The following STAU2 variants were observed in gnomAD, a reference collection of about 807,000 sequenced individuals.
STAU2 encodes the protein staufen double-stranded RNA binding protein 2.
In STAU2, 20 loss-of-function variants were observed where a neutral mutation model predicts 65.9. That is an observed-to-expected ratio of 0.30 (90% CI 0.21 to 0.44). STAU2 has a LOEUF of 0.44. STAU2 is among the 20% of genes least tolerant of loss of function. The pLI, the probability that STAU2 is intolerant of heterozygous loss-of-function variation, is 1.00. For synonymous variants in STAU2, 232 were observed against 233.9 expected (o/e 0.99, Z 0.07); for missense variants, 558 against 683.9 (o/e 0.82, Z 2.05).
intron 6 of STAU2, among the ~76,000 whole-genome samples, chr8:73,646,914 T>C (rs2130180090): frequency 6.9e-6 from 1 of 144,584 alleles, no homozygotes; most frequent in African/African-American, 2.6e-5. Flanking sequence ...AAGACAGAGA[T>C]ATTTCACCAA....
chr8:73,534,399 G>A (rs1806046622), intron 13 of STAU2, among the ~76,000 whole-genome samples: 1 of 152,154 alleles, frequency 6.6e-6, no homozygotes, highest in African/African-American at 2.4e-5. Flanking sequence ...ACCTAAATAA[G>A]TAGATTAAGT....
At chr8:73,682,782 T>C (rs1022951606) in intron 5 of STAU2, among the ~76,000 whole-genome samples, 1 of 152,012 alleles carries the variant, frequency 6.6e-6, no homozygotes, top group African/African-American at 2.4e-5. Context: ...AAACAGGAGA[T>C]ATAACAACTG....
intron 6 of STAU2, chr8:73,651,157 G>A: frequency 8.1e-7 from 1 of 1,231,902 alleles, no homozygotes; most frequent in African/African-American, 1.5e-5. Context: ...CCCTGGCCCG[G>A]ACCAGGCATC....
At chr8:73,709,895 T>C (rs1048943070) in intron 3 of STAU2, among the ~76,000 whole-genome samples, 2 of 152,138 alleles carry the variant, frequency 1.3e-5, no homozygotes, top group African/African-American at 2.4e-5. Context: ...TATAGCATTA[T>C]AATAAACATT....
At chr8:73,587,585 C>CTT (rs1451519040) in intron 11 of STAU2, among the ~76,000 whole-genome samples, 2 of 152,184 alleles carry the variant, frequency 1.3e-5, no homozygotes, top group Non-Finnish European at 2.9e-5. Flanking sequence ...CTGGTAAAGA[C>CTT]TTTGGGGACA....
At chr8:73,721,596 G>A (rs559751928) in intron 3 of STAU2, among the ~76,000 whole-genome samples, 14 of 152,140 alleles carry the variant, frequency 9.2e-5, no homozygotes, top group African/African-American at 3.1e-4. Flanking sequence ...CTGTTATTAG[G>A]TGCATAAACA....
intron 13 of STAU2, among the ~76,000 whole-genome samples, chr8:73,544,379 T>C (rs1347607578): frequency 2.0e-5 from 3 of 152,238 alleles, no homozygotes; most frequent in Admixed American, 1.3e-4. Flanking sequence ...GAATTATCTT[T>C]CTGTTAACCA....
intron 13 of STAU2, among the ~76,000 whole-genome samples, chr8:73,447,242 C>A (rs1008442514): frequency 2.0e-5 from 3 of 152,198 alleles, no homozygotes; most frequent in African/African-American, 4.8e-5. Context: ...CCGCAACCAG[C>A]CAATTATTAT....
chr8:73,693,650 A>G (rs1318042606), intron 4 of STAU2, among the ~76,000 whole-genome samples: 2 of 152,346 alleles, frequency 1.3e-5, no homozygotes, highest in Admixed American at 1.3e-4. Context: ...TTTCCAAGGC[A>G]ATCCTATGCT....
chr8:73,444,360 C>T (rs199869899), intron 13 of STAU2, among the ~76,000 whole-genome samples: 3 of 149,380 alleles, frequency 2.0e-5, no homozygotes, highest in East Asian at 2.0e-4. Flanking sequence ...GAGCCGAGAT[C>T]GCATCATTGC....
At chr8:73,667,372 G>A (rs561808408) in intron 6 of STAU2, among the ~76,000 whole-genome samples, 15 of 152,266 alleles carry the variant, frequency 9.9e-5, no homozygotes, top group African/African-American at 3.6e-4. Context: ...GGACAATTCA[G>A]GACATTCAAA....
intron 6 of STAU2, among the ~76,000 whole-genome samples, chr8:73,627,753 G>A: frequency 2.3e-5 from 1 of 42,554 alleles, no homozygotes; most frequent in South Asian, 9.9e-4. Flanking sequence ...ATTAAACCTT[G>A]TTAAAAAAAA....
intron 3 of STAU2, among the ~76,000 whole-genome samples, chr8:73,734,988 G>A (rs1806331237): frequency 6.6e-6 from 1 of 152,144 alleles, no homozygotes; most frequent in Non-Finnish European, 1.5e-5. Flanking sequence ...AGGCTGGAGT[G>A]CAGTGGTATG....
chr8:73,591,413 T>C (rs1465849596), intron 11 of STAU2, among the ~76,000 whole-genome samples: 1 of 152,050 alleles, frequency 6.6e-6, no homozygotes, highest in East Asian at 1.9e-4. Flanking sequence ...CTAATCACCC[T>C]AACTAAAGGG....
chr8:73,554,100 C>T (rs1472994566), intron 12 of STAU2, among the ~76,000 whole-genome samples: 1 of 152,100 alleles, frequency 6.6e-6, no homozygotes, highest in Admixed American at 6.6e-5. Context: ...TAGTCTAATC[C>T]ACTTTCTTTG....
chr8:73,654,666 TC>T (rs1816190921), intron 6 of STAU2, among the ~76,000 whole-genome samples: 1 of 44,168 alleles, frequency 2.3e-5, no homozygotes, highest in Non-Finnish European at 5.5e-5. Flanking sequence ...AAAAAAGAAC[TC>T]TTTTAATTAT....
chr8:73,481,876 C>A (rs1190934497), intron 13 of STAU2, among the ~76,000 whole-genome samples: 1 of 152,084 alleles, frequency 6.6e-6, no homozygotes, highest in African/African-American at 2.4e-5. Flanking sequence ...CTCTATAGGG[C>A]AGCGCTTTTG....
intron 4 of STAU2, among the ~76,000 whole-genome samples, chr8:73,702,711 A>T (rs905567961): frequency 2.2e-4 from 33 of 152,246 alleles, no homozygotes; most frequent in African/African-American, 7.2e-4. Flanking sequence ...AATAAAACAA[A>T]CCCAATAAAA....
intron 12 of STAU2, among the ~76,000 whole-genome samples, chr8:73,563,724 G>A (rs1223365243): frequency 6.6e-6 from 1 of 151,904 alleles, no homozygotes; most frequent in African/African-American, 2.4e-5. Context: ...ATGTTGCCCA[G>A]GCTGGTCTTA....
Sources: allele counts gnomAD v4.1 joint callset (sites outside exome capture counted in the v4.1 genomes callset), GRCh38; gene constraint gnomAD v4.1.1; transcripts MANE v1.5; gene names NCBI Gene and HGNC (gene_info 2026-07-23, HGNC 2026-07-21).